Variants in ABL2 observed in about 807,000 individuals in gnomAD.
ABL2 encodes the protein ABL proto-oncogene 2, non-receptor tyrosine kinase.
ABL2 carries 49 observed loss-of-function variants against 107.7 expected under a neutral mutation model. The observed-to-expected ratio is 0.45, with a 90% CI of 0.36 to 0.58. The LOEUF (loss-of-function observed/expected upper bound fraction) is 0.58, where lower values mean the gene tolerates loss of function less well. Ranked by LOEUF, ABL2 falls within the 20% of genes least tolerant of loss-of-function variation. ABL2 has a pLI of 0.00. For missense variants in ABL2, 1,245 were observed against 1,457.0 expected (o/e 0.85, Z 2.37); for synonymous variants, 549 against 548.6 (o/e 1.00, Z -0.01).
intron 1 of ABL2, among the ~76,000 whole-genome samples, chr1:179,196,076 G>A (rs1236110737): frequency 6.6e-6 from 1 of 152,154 alleles, no homozygotes; most frequent in Non-Finnish European, 1.5e-5. Flanking sequence ...GATCACTTGA[G>A]GCCAGGAGTT....
intron 1 of ABL2, among the ~76,000 whole-genome samples, chr1:179,171,579 G>A (rs1659721010): frequency 6.6e-6 from 1 of 152,230 alleles, no homozygotes; most frequent in Admixed American, 6.5e-5. Context: ...TTGGAGTACA[G>A]TGGCATGATC....
Position 179,108,180 on chromosome 1 carries a change from T to G in ABL2, c.3087A>C (p.Ala1029=). ...QEGGKKAALG[A]VPISGKAGRP... is the part of the protein sequence containing the mutation. ...TCCCAGCTTTCCCACTGATGGGCAC[T>G]GCGCCCAGAGCTGCCTTCTTTCCTC... The change falls in exon 12 of 12, where the codon GCA becomes GCC. Residue 1029 remains alanine (A), a synonymous_variant. Transcript: ENST00000502732. The G allele has an allele frequency of 6.2e-7, 1 of 1,614,202 alleles. No individual in the cohort carries two copies. Among genetic ancestry groups the G allele is most frequent in the Non-Finnish European group, 8.5e-7 (1 of 1,180,034 alleles).
intron 1 of ABL2, among the ~76,000 whole-genome samples, chr1:179,212,515 C>T (rs944139331): frequency 2.0e-5 from 3 of 152,024 alleles, no homozygotes; most frequent in African/African-American, 7.2e-5. Flanking sequence ...GGTGGATCAC[C>T]TGAGGTCGGG....
In ABL2 at chr1:179,108,319, G is replaced by T; in HGVS notation, c.2948C>A (p.Ala983Asp). ...TCTCATCACTGGTGGTGGGGGTGGG[G>T]CACACTTTGGTTTTACCCGTCGGGG... ...DRPRRVKPKC[A>D]PPPPPVMRLL... The change falls in exon 12 of 12, where the codon GCC becomes GAC. Residue 983 changes from alanine to aspartate, a missense_variant. Ala to Asp is a moderately radical substitution (Grantham distance 126). Coordinates refer to ENST00000502732, the MANE Select transcript of ABL2 (RefSeq NM_007314.4). 1.9e-6 allele frequency: 3 copies of T among 1,614,196 alleles called. No homozygotes were observed. Among genetic ancestry groups the T allele is most frequent in the Non-Finnish European group, 2.5e-6 (3 of 1,180,032 alleles).
chr1:179,153,814 TA>T (rs2102736591), intron 1 of ABL2, among the ~76,000 whole-genome samples: 1 of 152,284 alleles, frequency 6.6e-6, no homozygotes, highest in African/African-American at 2.4e-5. Context: ...TTTTCCTGAT[TA>T]ACAGATTGCC....
intron 1 of ABL2, among the ~76,000 whole-genome samples, chr1:179,209,142 G>A (rs1195931122): frequency 6.6e-6 from 1 of 152,172 alleles, no homozygotes; most frequent in Non-Finnish European, 1.5e-5. Flanking sequence ...CTCCTCTGAA[G>A]CAGACCATAG....
intron 1 of ABL2, among the ~76,000 whole-genome samples, chr1:179,180,805 T>C (rs1321914971): frequency 2.0e-5 from 3 of 152,364 alleles, no homozygotes; most frequent in East Asian, 1.9e-4. Context: ...TATTCTGTCA[T>C]TTAAAATGAT....
intron 1 of ABL2, among the ~76,000 whole-genome samples, chr1:179,173,190 C>CAA (rs35126707): frequency 9.6e-6 from 1 of 104,310 alleles, no homozygotes; most frequent in Admixed American, 9.8e-5. Flanking sequence ...AACTCGGCCT[C>CAA]AAAAAAAAAA....
intron 1 of ABL2, among the ~76,000 whole-genome samples, chr1:179,176,653 G>A (rs1660062956): frequency 6.6e-6 from 1 of 150,830 alleles, no homozygotes. Context: ...AAAATAATAT[G>A]GCTTTTATTA....
At chr1:179,151,611 C>T (rs1658366997) in intron 1 of ABL2, among the ~76,000 whole-genome samples, 1 of 152,116 alleles carries the variant, frequency 6.6e-6, no homozygotes, top group African/African-American at 2.4e-5. Context: ...ACGTATGAGA[C>T]TTCTTGCCAC....
intron 1 of ABL2, among the ~76,000 whole-genome samples, chr1:179,145,442 C>A (rs996615582): frequency 3.3e-5 from 5 of 151,988 alleles, no homozygotes; most frequent in Admixed American, 3.3e-4. Context: ...CCTATTAATT[C>A]TAAAATAACA....
At chr1:179,184,655 A>C in intron 1 of ABL2, 1 of 488,856 alleles carries the variant, frequency 2.0e-6, no homozygotes, top group Non-Finnish European at 3.7e-6. Context: ...GATGATGATA[A>C]AGGGAAGGAA....
chr1:179,156,793 G>A (rs1352491902), intron 1 of ABL2, among the ~76,000 whole-genome samples: 1 of 152,020 alleles, frequency 6.6e-6, no homozygotes, highest in Non-Finnish European at 1.5e-5. Context: ...CAGGAGAATT[G>A]CGTGAACCAG....
At chr1:179,168,211 G>A (rs1659506472) in intron 1 of ABL2, among the ~76,000 whole-genome samples, 2 of 152,088 alleles carry the variant, frequency 1.3e-5, no homozygotes, top group South Asian at 4.1e-4. Context: ...TTTCCACAGG[G>A]ACCCCTAGCA....
At chr1:179,213,156 C>A (rs1662379075) in intron 1 of ABL2, among the ~76,000 whole-genome samples, 3 of 149,896 alleles carry the variant, frequency 2.0e-5, no homozygotes, top group African/African-American at 7.5e-5. Flanking sequence ...ATATATATGT[C>A]TATCTAAAAT....
chr1:179,216,255 T>C (rs937431066), intron 1 of ABL2, among the ~76,000 whole-genome samples: 2 of 152,232 alleles, frequency 1.3e-5, no homozygotes, highest in African/African-American at 2.4e-5. Context: ...AGTTTAAACG[T>C]TGGATAGTAA....
chr1:179,165,962 A>AT (rs1659353780), intron 1 of ABL2, among the ~76,000 whole-genome samples: 1 of 151,934 alleles, frequency 6.6e-6, no homozygotes, highest in Non-Finnish European at 1.5e-5. Flanking sequence ...CGCCCAGCTA[A>AT]TTTTTTGTAT....
At chr1:179,212,599 G>T (rs1662334603) in intron 1 of ABL2, among the ~76,000 whole-genome samples, 1 of 151,858 alleles carries the variant, frequency 6.6e-6, no homozygotes, top group South Asian at 2.1e-4. Context: ...CAGGCATGGT[G>T]GCAAATGCCT....
chr1:179,117,435 A>G lies in ABL2; in HGVS notation c.1305T>C (p.Thr435=). 2.5e-6 allele frequency: 4 copies of G among 1,614,208 alleles called. No individual in the cohort carries two copies. Among genetic ancestry groups the G allele is most frequent in the Non-Finnish European group, 2.5e-6 (3 of 1,180,034 alleles). ...VADFGLSRLM[T]GDTYTAHAGA... is the part of the protein sequence containing the mutation. ...CAGCATGAGCAGTATAAGTGTCTCC[A>G]GTCATCAATCTACTTAAGCCAAAGT... Residue 435 remains threonine (T), a synonymous_variant, in exon 8 of 12, where the codon ACT becomes ACC. Coordinates refer to ENST00000502732, the MANE Select transcript of ABL2 (RefSeq NM_007314.4).
Sources: allele counts gnomAD v4.1 joint callset (sites outside exome capture counted in the v4.1 genomes callset), GRCh38; gene constraint gnomAD v4.1.1; transcripts MANE v1.5; gene names NCBI Gene and HGNC (gene_info 2026-07-23, HGNC 2026-07-21).